Variants in MLIP observed in about 807,000 individuals in gnomAD.
The protein encoded by MLIP is muscular LMNA-interacting protein.
MLIP carries 79 observed loss-of-function variants against 84.8 expected under a neutral mutation model. The observed-to-expected ratio is 0.93, with a 90% CI of 0.78 to 1.12. The LOEUF (loss-of-function observed/expected upper bound fraction) is 1.12, where lower values mean the gene tolerates loss of function less well. Ranked by LOEUF, MLIP falls within the 50% of genes most tolerant of loss-of-function variation. The probability of loss-of-function intolerance (pLI) is 0.00; values close to 1 mark genes in which losing one functional copy is unlikely to be tolerated. For missense variants in MLIP, 1,257 were observed against 1,160.6 expected, an observed-to-expected ratio of 1.08 and a Z score of -1.21; for synonymous variants, 504 against 463.0, an observed-to-expected ratio of 1.09 and a Z score of -1.14.
chr6:54,249,734 C>CACATATAT (rs145607176), intron 12 of MLIP, among the ~76,000 whole-genome samples: 6 of 127,610 alleles, frequency 4.7e-5, no homozygotes, highest in African/African-American at 1.5e-4. Flanking sequence ...CACACACACA[C>CACATATAT]ATATATATAT....
intron 1 of MLIP, among the ~76,000 whole-genome samples, chr6:54,085,053 T>A (rs959555047): frequency 6.6e-6 from 1 of 152,198 alleles, no homozygotes; most frequent in Admixed American, 6.5e-5. Context: ...AGGTAGTTTT[T>A]CACTAGGAAT....
chr6:54,207,892 G>T (rs1297969395), intron 11 of MLIP, among the ~76,000 whole-genome samples: 1 of 152,276 alleles, frequency 6.6e-6, no homozygotes, highest in East Asian at 1.9e-4. Flanking sequence ...TTGGGAGGCC[G>T]AGGTGGGCGG....
In MLIP at chr6:54,189,912, C is replaced by T; in HGVS notation, c.2587C>T (p.Leu863=). 6 of 1,599,666 alleles carry T rather than the reference C, an allele frequency of 3.8e-6. No individual in the cohort carries two copies. The highest frequency in any genetic ancestry group is 5.1e-6 in the Non-Finnish European group (6 of 1,167,654). ...ATCTTCTACAGTATCTGAGAGTCAG[C>T]TGGTATGTATCTTCTAAGTCACAGA... ...SPSSTVSESQ[L]TKPGVIRPVP... Residue 863 remains leucine (L), a splice_region_variant and synonymous_variant, in exon 10 of 14, where the codon CTG becomes TTG. Coordinates refer to ENST00000502396, the MANE Select transcript of MLIP (RefSeq NM_001281747.2).
At chr6:54,212,400 G>A (rs1469622939) in intron 11 of MLIP, among the ~76,000 whole-genome samples, 3 of 151,998 alleles carry the variant, frequency 2.0e-5, no homozygotes, top group Non-Finnish European at 4.4e-5. Context: ...ATGATTAGAT[G>A]ATTCAAAAAA....
chr6:54,263,787 C>A (rs1783532802), intron 13 of MLIP, among the ~76,000 whole-genome samples: 1 of 151,872 alleles, frequency 6.6e-6, no homozygotes, highest in Non-Finnish European at 1.5e-5. Context: ...ATCTTAAGTT[C>A]TTTCTTGCTT....
At chr6:54,157,904 T>C (rs1774201844) in intron 5 of MLIP, among the ~76,000 whole-genome samples, 2 of 152,140 alleles carry the variant, frequency 1.3e-5, no homozygotes, top group African/African-American at 4.8e-5. Context: ...TTTATTAGAT[T>C]ATCATAACCA....
chr6:54,056,329 A>C (rs9474720), intron 1 of MLIP, among the ~76,000 whole-genome samples: 51,357 of 152,092 alleles, frequency 0.34, 10,877 homozygotes, highest in African/African-American at 0.58. Flanking sequence ...CGCTGTACAG[A>C]GGCTTGAACG....
chr6:54,156,021 C>T (rs1343510179), intron 5 of MLIP, among the ~76,000 whole-genome samples: 1 of 151,814 alleles, frequency 6.6e-6, no homozygotes, highest in African/African-American at 2.4e-5. Flanking sequence ...GAGACTTTTA[C>T]CCGAAATGAA....
intron 1 of MLIP, among the ~76,000 whole-genome samples, chr6:54,052,480 A>C (rs1376410791): frequency 6.6e-6 from 1 of 152,146 alleles, no homozygotes; most frequent in Admixed American, 6.5e-5. Flanking sequence ...GAGAATTAGC[A>C]TTTTTGTTTT....
At chr6:54,256,865 A>G (rs1783039945) in intron 12 of MLIP, among the ~76,000 whole-genome samples, 1 of 152,056 alleles carries the variant, frequency 6.6e-6, no homozygotes, top group Non-Finnish European at 1.5e-5. Context: ...CTGTCTATAG[A>G]TGCATCTACA....
intron 8 of MLIP, among the ~76,000 whole-genome samples, chr6:54,169,142 A>C (rs767658226): frequency 2.6e-5 from 4 of 151,584 alleles, no homozygotes; most frequent in African/African-American, 4.8e-5. Flanking sequence ...AAAGTTAAGG[A>C]GCTTTCTGGG....
chr6:54,110,961 T>G (rs968359298), upstream of MLIP, among the ~76,000 whole-genome samples: 1 of 152,252 alleles, frequency 6.6e-6, no homozygotes, highest in Non-Finnish European at 1.5e-5. Flanking sequence ...ATTTATATAC[T>G]AAGGATAAAG....
At chr6:54,063,719 G>GGCGT (rs1561903118) in intron 1 of MLIP, among the ~76,000 whole-genome samples, 1 of 119,556 alleles carries the variant, frequency 8.4e-6, no homozygotes, top group African/African-American at 4.0e-5. Flanking sequence ...CTAGGTCAGT[G>GGCGT]GCGTGTGTGT....
intron 3 of MLIP, among the ~76,000 whole-genome samples, chr6:54,126,499 A>G (rs1318637975): frequency 6.6e-6 from 1 of 151,896 alleles, no homozygotes. Flanking sequence ...GATTATGATT[A>G]CCAGTAGTGG....
chr6:54,221,585 T>C (rs575941303), intron 11 of MLIP, among the ~76,000 whole-genome samples: 3 of 152,078 alleles, frequency 2.0e-5, no homozygotes, highest in Admixed American at 6.5e-5. Flanking sequence ...GAAAATACAG[T>C]CATTAGAATA....
chr6:54,103,784 G>A (rs2150393578), intron 1 of MLIP, among the ~76,000 whole-genome samples: 1 of 152,200 alleles, frequency 6.6e-6, no homozygotes, highest in East Asian at 1.9e-4. Context: ...TCTTTTCTTG[G>A]TATGCTTATC....
intron 3 of MLIP, among the ~76,000 whole-genome samples, chr6:54,135,695 C>T (rs1044041977): frequency 5.9e-5 from 9 of 151,888 alleles, no homozygotes; most frequent in Non-Finnish European, 1.0e-4. Flanking sequence ...ATTAGACATG[C>T]ATGTTTATTA....
At chr6:54,141,843 T>G (rs890792584) in intron 4 of MLIP, among the ~76,000 whole-genome samples, 1 of 152,210 alleles carries the variant, frequency 6.6e-6, no homozygotes, top group Non-Finnish European at 1.5e-5. Context: ...GTCTGAAGAT[T>G]AGTTCCAATT....
chr6:54,160,291 C>A, intron 5 of MLIP, 76 bp from the exon 6 acceptor site: 1 of 1,160,342 alleles, frequency 8.6e-7, no homozygotes, highest in South Asian at 1.3e-5. Flanking sequence ...ACATACAAGG[C>A]TTTCTTTGAA....
Sources: allele counts gnomAD v4.1 joint callset (sites outside exome capture counted in the v4.1 genomes callset), GRCh38; gene constraint gnomAD v4.1.1; transcripts MANE v1.5; gene names NCBI Gene and HGNC (gene_info 2026-07-23, HGNC 2026-07-21).